CSNK1G1: variants seen among roughly 807,000 people sequenced by gnomAD.
CSNK1G1 encodes casein kinase I isoform gamma-1.
CSNK1G1 carries 22 observed loss-of-function variants against 59.6 expected under a neutral mutation model. The ratio of observed to expected loss-of-function variants is 0.37; its 90% confidence interval spans 0.26 to 0.53. The LOEUF (loss-of-function observed/expected upper bound fraction) is 0.53. Among genes scored for constraint, CSNK1G1 ranks in the 20% least tolerant of loss-of-function variants. The probability of loss-of-function intolerance (pLI) is 0.89; values close to 1 mark genes in which losing one functional copy is unlikely to be tolerated. For missense variants in CSNK1G1, 384 were observed against 519.5 expected, an observed-to-expected ratio of 0.74 and a Z score of 2.54; for synonymous variants, 179 against 177.1, an observed-to-expected ratio of 1.01 and a Z score of -0.08.
chr15:64,221,617 G>C (rs903081347), intron 4 of CSNK1G1, among the ~76,000 whole-genome samples: 2 of 151,612 alleles, frequency 1.3e-5, no homozygotes, highest in Non-Finnish European at 2.9e-5. Context: ...AAAAGCTCAA[G>C]TCAGAGTCTT....
rs148477256 is a variant in CSNK1G1 at position 64,199,016 on chromosome 15, C to G, written c.1107+4066G>C. Among the ~76,000 whole-genome samples, 984 of 150,160 alleles carry G rather than the reference C, an allele frequency of 6.6e-3. 8 individuals are homozygous for G. Among genetic ancestry groups the G allele is most frequent in the Middle Eastern group, 0.034 (10 of 290 alleles). On this transcript the variant is annotated intron_variant, in intron 10 of 11. Coordinates refer to ENST00000303052, the MANE Select transcript of CSNK1G1 (RefSeq NM_022048.5). ...CAGCATTTTGGGAGGCAGAGGTGGG[C>G]AGATTGCTTGAACCCAGGAATTTGA...
Position 64,214,937 on chromosome 15 carries a change from C to A in CSNK1G1, c.445-813G>T, listed in dbSNP as rs541847914. 6.6e-6 allele frequency among the ~76,000 whole-genome samples: 1 copy of A among 152,044 alleles called. No individual in the cohort carries two copies. Among genetic ancestry groups the A allele is most frequent in the Admixed American group, 6.6e-5 (1 of 15,246 alleles). On this transcript the variant is annotated intron_variant, in intron 5 of 11. Transcript: ENST00000303052. This position sits in a 1 kb window ranked among gnomAD's most constrained non-coding sequence, Gnocchi z 4.3. ...TACAGGCATGAGCCACCATGCCTGG[C>A]CGAAACAGTTCATCGTTGTTGTTTT...
intron 1 of CSNK1G1, among the ~76,000 whole-genome samples, chr15:64,306,814 T>C (rs138688382): frequency 2.0e-5 from 3 of 152,308 alleles, no homozygotes; most frequent in African/African-American, 7.2e-5. Context: ...AGGAAATGAA[T>C]TATTGAAAGC....
At chr15:64,327,735 G>C (rs1338917869) in intron 1 of CSNK1G1, among the ~76,000 whole-genome samples, 1 of 148,968 alleles carries the variant, frequency 6.7e-6, no homozygotes, top group South Asian at 2.1e-4. Flanking sequence ...TGAGCTACGG[G>C]AGGACATTCA....
rs1006788983 is a variant in CSNK1G1 at position 64,277,552 on chromosome 15, AAAT to A, written c.182-18314_182-18312del. Among the ~76,000 whole-genome samples, 46 of 146,194 alleles carry A rather than the reference AAAT, an allele frequency of 3.1e-4. 1 individual carries two copies. The highest frequency in any genetic ancestry group is 2.1e-4 in the South Asian group (1 of 4,758). Reference sequence around the variant, plus strand: ...AGTTTTCATATTGTTATTAATATTAAAATAATAAAATTTAATATAATAAATATA... The same window carrying A: ...AGTTTTCATATTGTTATTAATATTAAAATAAAATTTAATATAATAAATATA... On this transcript the variant is annotated intron_variant, in intron 2 of 11. Coordinates refer to ENST00000303052, the MANE Select transcript of CSNK1G1 (RefSeq NM_022048.5).
chr15:64,238,542 T>TATGA (rs1555396894), intron 4 of CSNK1G1, among the ~76,000 whole-genome samples: 5 of 120,196 alleles, frequency 4.2e-5, no homozygotes, highest in African/African-American at 1.4e-4. Context: ...TATATATATA[T>TATGA]ATGAAAAAAA....
chr15:64,354,738 G>A (rs1425472443), intron 1 of CSNK1G1, among the ~76,000 whole-genome samples: 1 of 151,982 alleles, frequency 6.6e-6, no homozygotes, highest in African/African-American at 2.4e-5. Flanking sequence ...GTTTAAAATG[G>A]GATGTTACTT....
chr15:64,174,871 G>C (rs1259318398), intron 11 of CSNK1G1, among the ~76,000 whole-genome samples: 1 of 152,020 alleles, frequency 6.6e-6, no homozygotes, highest in Non-Finnish European at 1.5e-5. Flanking sequence ...CCTGTCCATG[G>C]TGACCTCTTG....
intron 2 of CSNK1G1, among the ~76,000 whole-genome samples, chr15:64,275,231 G>A (rs968343852): frequency 1.3e-5 from 2 of 152,078 alleles, no homozygotes; most frequent in African/African-American, 4.8e-5. Context: ...AGTAGAGATG[G>A]GTTTCACCTT....
At chr15:64,307,641 A>G (rs1895750097) in intron 1 of CSNK1G1, among the ~76,000 whole-genome samples, 1 of 152,210 alleles carries the variant, frequency 6.6e-6, no homozygotes, top group Non-Finnish European at 1.5e-5. Flanking sequence ...GTAGTACACT[A>G]AAGTACGGGG....
At chr15:64,257,784 A>G (rs1892465704) in intron 3 of CSNK1G1, among the ~76,000 whole-genome samples, 1 of 152,108 alleles carries the variant, frequency 6.6e-6, no homozygotes, top group African/African-American at 2.4e-5. Context: ...TTGGCTTCCT[A>G]AAGTGCTTGA....
Position 64,200,279 on chromosome 15 carries a change from T to C in CSNK1G1, c.1107+2803A>G, listed in dbSNP as rs1283011039. Among the ~76,000 whole-genome samples the C allele has an allele frequency of 1.3e-5, 2 of 152,200 alleles. No homozygotes were observed. Among genetic ancestry groups the C allele is most frequent in the Admixed American group, 6.5e-5 (1 of 15,278 alleles). ...ACAAGGATATATGTTGACTGTGATA[T>C]GACACTACTTATCTATTTTTTCTTT... On this transcript the variant is annotated intron_variant, in intron 10 of 11. Coordinates refer to ENST00000303052, the MANE Select transcript of CSNK1G1 (RefSeq NM_022048.5). This position sits in a 1 kb window ranked among gnomAD's most constrained non-coding sequence, Gnocchi z 4.3.
At chr15:64,326,782 A>T (rs1472496551) in intron 1 of CSNK1G1, among the ~76,000 whole-genome samples, 1 of 151,262 alleles carries the variant, frequency 6.6e-6, no homozygotes, top group Non-Finnish European at 1.5e-5. Flanking sequence ...CTCACTAGGG[A>T]GTGCCAGACA....
At chr15:64,348,703 G>T (rs975849284) in intron 1 of CSNK1G1, among the ~76,000 whole-genome samples, 1 of 152,134 alleles carries the variant, frequency 6.6e-6, no homozygotes, top group Non-Finnish European at 1.5e-5. Context: ...CTTGATCACA[G>T]CTGTGGTTAG....
At chr15:64,244,983 A>C (rs890010768) in intron 4 of CSNK1G1, among the ~76,000 whole-genome samples, 9 of 152,194 alleles carry the variant, frequency 5.9e-5, no homozygotes, top group African/African-American at 2.2e-4. Flanking sequence ...ATAAACCCAC[A>C]TATTTGGAAC....
chr15:64,310,266 A>G (rs1284391265), intron 1 of CSNK1G1, among the ~76,000 whole-genome samples: 1 of 152,176 alleles, frequency 6.6e-6, no homozygotes, highest in Non-Finnish European at 1.5e-5. Context: ...TGAGAGGTAG[A>G]AAATCAAGGC....
chr15:64,342,738 T>C (rs1897741521), intron 1 of CSNK1G1: 1 of 152,210 alleles, frequency 6.6e-6, no homozygotes, highest in Non-Finnish European at 1.5e-5. Context: ...TTAAAAATCT[T>C]CTATGGATCC....
At chr15:64,181,325 C>T in intron 10 of CSNK1G1, 35 of 1,534,528 alleles carry the variant, frequency 2.3e-5, no homozygotes, top group Non-Finnish European at 3.0e-5. Flanking sequence ...CTGCTTCTGC[C>T]ACCTGGTTTC....
intron 1 of CSNK1G1, among the ~76,000 whole-genome samples, chr15:64,346,648 A>G (rs1480134315): frequency 6.6e-6 from 1 of 151,764 alleles, no homozygotes; most frequent in East Asian, 1.9e-4. Flanking sequence ...AGTAGAAATG[A>G]GGTTTCACCA....
Sources: gnomAD v4.1 joint callset for allele counts (sites outside exome capture counted in the v4.1 genomes callset) on GRCh38, gnomAD v4.1.1 for gene constraint, Gnocchi (gnomAD v3.1) non-coding constraint, MANE v1.5 for transcripts, NCBI Gene and HGNC (gene_info 2026-07-23, HGNC 2026-07-21) for gene names.